NPFFR2: variants seen among roughly 807,000 people sequenced by gnomAD.
NPFFR2 encodes G-protein coupled receptor 74.
NPFFR2 carries 15 observed loss-of-function variants against 13.1 expected under a neutral mutation model. That is an observed-to-expected ratio of 1.15 (90% CI 0.77 to 1.76). The LOEUF is 1.76. NPFFR2 is among the 40% of genes most tolerant of loss of function. The probability of loss-of-function intolerance (pLI) is 0.00; values close to 1 mark genes in which losing one functional copy is unlikely to be tolerated. For synonymous variants in NPFFR2, 190 were observed against 175.7 expected (o/e 1.08, Z -0.65); for missense variants, 572 against 503.5 (o/e 1.14, Z -1.30).
At chr4:72,127,999 A>G (rs1722117483) in intron 1 of NPFFR2, among the ~76,000 whole-genome samples, 2 of 152,094 alleles carry the variant, frequency 1.3e-5, no homozygotes, top group South Asian at 4.1e-4. Context: ...GGATCACTTG[A>G]ACCTGAGAGA....
Position 72,032,088 on chromosome 4 carries a change from T to A in NPFFR2, c.-120T>A. On this transcript the variant is annotated 5_prime_UTR_variant, in exon 1 of 4. It adds an upstream start codon to the 5' untranslated region. Coordinates refer to ENST00000308744, the MANE Select transcript of NPFFR2 (RefSeq NM_004885.3). ...CGCGGGGGACAGACGTCGGCTGGGA[T>A]TGAGCCGGCAGACTGCGAAAAGTAG... 1 of 1,614,074 alleles carries A rather than the reference T, an allele frequency of 6.2e-7. No homozygotes were observed. The highest frequency in any genetic ancestry group is 8.5e-7 in the Non-Finnish European group (1 of 1,179,972).
chr4:72,057,547 T>G (rs1719790130), intron 1 of NPFFR2, among the ~76,000 whole-genome samples: 1 of 151,992 alleles, frequency 6.6e-6, no homozygotes, highest in African/African-American at 2.4e-5. Flanking sequence ...GCCTTTCTCT[T>G]ACAAGGATAT....
intron 2 of NPFFR2, among the ~76,000 whole-genome samples, chr4:72,132,424 G>C (rs547990717): frequency 6.6e-6 from 1 of 152,202 alleles, no homozygotes; most frequent in Non-Finnish European, 1.5e-5. Context: ...TTGATTCCAT[G>C]TCTTTGCTAT....
At position 72,099,785 on chromosome 4, in the gene NPFFR2, G is replaced by A. The variant is rs1209734658; in HGVS notation, c.-7-28800G>A. ...CAAACCATTTCTTAAAAAAAACTTG[G>A]CATTTTATTACTTTACTATGGTTTA... On this transcript the variant is annotated intron_variant, in intron 1 of 3. Transcript: ENST00000308744. 2.6e-5 allele frequency among the ~76,000 whole-genome samples: 4 copies of A among 151,940 alleles called. No individual in the cohort carries two copies. The East Asian group carries it at 7.7e-4, about 29-fold the overall frequency.
intron 1 of NPFFR2, among the ~76,000 whole-genome samples, chr4:72,064,629 G>T (rs994717103): frequency 2.0e-5 from 3 of 152,176 alleles, no homozygotes; most frequent in African/African-American, 7.2e-5. Context: ...AGGGATCATT[G>T]GGAGCCTTTT....
At chr4:72,092,536 G>A (rs116312506) in intron 1 of NPFFR2, among the ~76,000 whole-genome samples, 2,405 of 152,110 alleles carry the variant, frequency 0.016, 37 homozygotes, top group African/African-American at 0.044. Context: ...AGATGCATAT[G>A]TATTTTGGAT....
At chr4:72,115,688 G>A (rs1184891904) in intron 1 of NPFFR2, among the ~76,000 whole-genome samples, 1 of 152,116 alleles carries the variant, frequency 6.6e-6, no homozygotes, top group Admixed American at 6.6e-5. Flanking sequence ...TCTTAGATGA[G>A]TTTTAACCTA....
chr4:72,057,027 G>A (rs1719770068), intron 1 of NPFFR2, among the ~76,000 whole-genome samples: 1 of 151,916 alleles, frequency 6.6e-6, no homozygotes, highest in Non-Finnish European at 1.5e-5. Context: ...AATGACATGA[G>A]TAAAACCACA....
chr4:72,117,073 C>A (rs1158281690), intron 1 of NPFFR2, among the ~76,000 whole-genome samples: 1 of 151,990 alleles, frequency 6.6e-6, no homozygotes, highest in Admixed American at 6.6e-5. Flanking sequence ...CACAAAGGAC[C>A]CCCCACCCTT....
intron 1 of NPFFR2, among the ~76,000 whole-genome samples, chr4:72,099,166 CA>C (rs1721158704): frequency 1.3e-5 from 2 of 152,128 alleles, no homozygotes; most frequent in African/African-American, 4.8e-5. Context: ...TCTCTTTAGA[CA>C]AGAAAGCATA....
At position 72,119,918 on chromosome 4, in the gene NPFFR2, C is replaced by T. The variant is rs113467329; in HGVS notation, c.-7-8667C>T. On this transcript the variant is annotated intron_variant, in intron 1 of 3. Coordinates refer to ENST00000308744, the MANE Select transcript of NPFFR2 (RefSeq NM_004885.3). ...TCATACCCCAGTGGCACCAGGAGCC[C>T]GAGTGAGACAGAACCCTTCAATCCC... Among the ~76,000 whole-genome samples the T allele has an allele frequency of 1.0e-3, 152 of 152,160 alleles. 1 individual carries two copies. The highest frequency in any genetic ancestry group is 3.5e-3 in the African/African-American group (147 of 41,516).
intron 1 of NPFFR2, among the ~76,000 whole-genome samples, chr4:72,066,646 G>T (rs79099820): frequency 1.9e-4 from 1 of 5,248 alleles, no homozygotes; most frequent in Non-Finnish European, 0.05. Flanking sequence ...TGTTCCAAAA[G>T]GGAGAAACAG....
rs142592597 is a variant in NPFFR2, at chr4:72,094,302, G to T, written c.-7-34283G>T. On this transcript the variant is annotated intron_variant, in intron 1 of 3. Coordinates refer to ENST00000308744, the MANE Select transcript of NPFFR2 (RefSeq NM_004885.3). ...TTTTGCTAAGTACTGCTGATTTTGT[G>T]TTCGTTGGCCTCAAGCCAGGAGGTG... 8.0e-3 allele frequency among the ~76,000 whole-genome samples: 1,222 copies of T among 152,294 alleles called. 8 individuals carry two copies. The highest frequency in any genetic ancestry group is 0.017 in the African/African-American group (711 of 41,558).
intron 1 of NPFFR2, among the ~76,000 whole-genome samples, chr4:72,090,249 G>A (rs1176898781): frequency 6.6e-6 from 1 of 152,114 alleles, no homozygotes; most frequent in African/African-American, 2.4e-5. Flanking sequence ...TTTGAAGTCA[G>A]GTAATGTGAT....
chr4:72,120,677 A>G (rs1344224533), intron 1 of NPFFR2, among the ~76,000 whole-genome samples: 3 of 152,186 alleles, frequency 2.0e-5, no homozygotes, highest in African/African-American at 4.8e-5. Context: ...TGACTGTTAG[A>G]AGGAAAACTA....
chr4:72,086,611 C>T (rs1234624371), intron 1 of NPFFR2, among the ~76,000 whole-genome samples: 3 of 152,038 alleles, frequency 2.0e-5, no homozygotes, highest in Non-Finnish European at 4.4e-5. Context: ...CTATTCACTT[C>T]AGTATTTTTA....
At chr4:72,122,628 C>G (rs960951789) in intron 1 of NPFFR2, among the ~76,000 whole-genome samples, 5 of 152,028 alleles carry the variant, frequency 3.3e-5, no homozygotes, top group Admixed American at 3.3e-4. Context: ...ACATAGAAAC[C>G]GAACATTCTG....
intron 1 of NPFFR2, among the ~76,000 whole-genome samples, chr4:72,111,950 T>C (rs1241901551): frequency 6.6e-6 from 1 of 152,030 alleles, no homozygotes; most frequent in Non-Finnish European, 1.5e-5. Flanking sequence ...TACTGAACAT[T>C]GAAAACCTCT....
chr4:72,130,773 G>C (rs758312764), intron 2 of NPFFR2, among the ~76,000 whole-genome samples: 1 of 152,148 alleles, frequency 6.6e-6, no homozygotes, highest in Non-Finnish European at 1.5e-5. Flanking sequence ...GTGACCCCTG[G>C]AGCCCCAGAA....
Sources: allele counts gnomAD v4.1 joint callset (sites outside exome capture counted in the v4.1 genomes callset), GRCh38; gene constraint gnomAD v4.1.1; transcripts MANE v1.5; gene names NCBI Gene and HGNC (gene_info 2026-07-23, HGNC 2026-07-21).